Variants in RTRAF observed in about 807,000 individuals in gnomAD.
The protein encoded by RTRAF is tRNA-splicing ligase complex subunit RTRAF.
Under a neutral mutation model 34.4 loss-of-function variants are expected in RTRAF, and 14 were observed. That is an observed-to-expected ratio of 0.41 (90% CI 0.27 to 0.64). RTRAF has a LOEUF of 0.64. RTRAF is among the 30% of genes least tolerant of loss of function. The pLI, the probability that RTRAF is intolerant of heterozygous loss-of-function variation, is 0.34. For synonymous variants in RTRAF, 96 were observed against 95.3 expected (o/e 1.01, Z -0.04); for missense variants, 291 against 288.4 (o/e 1.01, Z -0.06).
chr14:51,990,574 G>A (rs1333245092), intron 1 of RTRAF, among the ~76,000 whole-genome samples: 1 of 152,160 alleles, frequency 6.6e-6, no homozygotes, highest in East Asian at 1.9e-4. Context: ...GCCTGTAGAA[G>A]CATATCAAAT....
intron 1 of RTRAF, among the ~76,000 whole-genome samples, chr14:51,990,259 C>CA (rs1340320785): frequency 6.6e-6 from 1 of 152,008 alleles, no homozygotes; most frequent in African/African-American, 2.4e-5. Context: ...TGTGGTGTTG[C>CA]AAAAAAGTTA....
chr14:52,004,048 A>AAAT, intron 6 of RTRAF, 146 bp from the exon 7 acceptor site: 1 of 716,146 alleles, frequency 1.4e-6, no homozygotes, highest in East Asian at 2.5e-5. Flanking sequence ...ATCACAAAGC[A>AAAT]AATATAAACA....
chr14:51,991,268 G>A, intron 1 of RTRAF, 49 bp from the exon 2 acceptor site: 1 of 1,559,092 alleles, frequency 6.4e-7, no homozygotes, highest in East Asian at 2.3e-5. Flanking sequence ...TGAGAAGGAG[G>A]TATTTTATGT....
intron 3 of RTRAF, among the ~76,000 whole-genome samples, chr14:51,996,514 A>C (rs1241462089): frequency 6.6e-6 from 1 of 152,120 alleles, no homozygotes; most frequent in Admixed American, 6.5e-5. Flanking sequence ...ATAATTTCAG[A>C]TGTATAGAAA....
Position 51,991,407 on chromosome 14 carries a change from T to A in RTRAF, c.152T>A (p.Ile51Asn). ...GAAGACAGAGGGAATTTAAGAAACA[T>A]CCACAGCAGCGACTGGCCCAAGTTC... is the stretch of plus-strand genomic sequence containing the variant. ...KIEDRGNLRN[I>N]HSSDWPKFFE... The change falls in exon 2 of 8, where the codon ATC (isoleucine) becomes AAC (asparagine). Residue 51 changes from isoleucine to asparagine, a missense_variant. Coordinates refer to ENST00000261700, the MANE Select transcript of RTRAF (RefSeq NM_016039.3). The A allele has an allele frequency of 6.2e-7, 1 of 1,613,508 alleles. No individual in the cohort carries two copies. Among genetic ancestry groups the A allele is most frequent in the Non-Finnish European group, 8.5e-7 (1 of 1,179,618 alleles).
chr14:51,991,223 A>G (rs1890429218), intron 1 of RTRAF, 94 bp from the exon 2 acceptor site: 1 of 1,333,514 alleles, frequency 7.5e-7, no homozygotes, highest in African/African-American at 1.5e-5. Flanking sequence ...TGAAGTTAAG[A>G]AAATTCCACA....
At position 52,005,582 on chromosome 14, in the gene RTRAF, A is replaced by G. The variant is rs953216844; in HGVS notation, c.*1066A>G. The G allele has an allele frequency of 1.5e-5, 22 of 1,510,556 alleles. No homozygotes were observed. In the African/African-American group the frequency reaches 1.7e-4, roughly 11 times the overall value. 93.6% of individuals were successfully genotyped at this position (1,510,556 alleles called of 1,614,324 possible). ...AACAGCAAGTCTTTGCATTTTGTGT[A>G]TAAACTAGGTAGATTTAAGGTAGTA... is the stretch of plus-strand genomic sequence containing the variant. On this transcript the variant is annotated 3_prime_UTR_variant, in exon 8 of 8. Coordinates refer to ENST00000261700, the MANE Select transcript of RTRAF (RefSeq NM_016039.3).
chr14:52,001,072 CTATT>C (rs1448891955), intron 5 of RTRAF, among the ~76,000 whole-genome samples: 9 of 152,180 alleles, frequency 5.9e-5, no homozygotes, highest in African/African-American at 1.9e-4. Flanking sequence ...GGCAACCAGA[CTATT>C]TAATAACATC....
chr14:51,999,638 G>A, intron 4 of RTRAF, 70 bp from the exon 5 acceptor site: 1 of 1,099,544 alleles, frequency 9.1e-7, no homozygotes. Context: ...GTTTTTGTAT[G>A]TTCACAAATA....
At chr14:52,000,014 C>T in intron 5 of RTRAF, 1 of 445,412 alleles carries the variant, frequency 2.2e-6, no homozygotes, top group Non-Finnish European at 4.0e-6. Flanking sequence ...TCATTCAATC[C>T]TGCCAACAAT....
chr14:52,005,184 TGA>T lies in RTRAF; in HGVS notation c.*669_*670del, dbSNP rs1890713137. 1.1e-5 allele frequency: 3 copies of T among 265,676 alleles called. No homozygotes were observed. The highest frequency in any genetic ancestry group is 2.1e-5 in the Non-Finnish European group (3 of 141,622). The allele number at this position is 265,676 out of a possible 1,614,324, so 16.5% of individuals were successfully genotyped here. ...TCTTAAACTCTAATTCTTAGTTGAA[TGA>T]ATTTGATCTTTTAAATATTAATGAT... On this transcript the variant is annotated 3_prime_UTR_variant, in exon 8 of 8. Transcript: ENST00000261700.
intron 6 of RTRAF, 46 bp downstream of exon 6, chr14:52,001,912 C>T: frequency 1.4e-6 from 2 of 1,477,654 alleles, no homozygotes; most frequent in Non-Finnish European, 1.9e-6. Flanking sequence ...AACATTTCTT[C>T]TGGTATGGCC....
rs897032455 is a variant in RTRAF, at chr14:52,006,854, C to G, written c.*2338C>G. 8.7e-6 allele frequency: 4 copies of G among 458,004 alleles called. No individual in the cohort carries two copies. Among genetic ancestry groups the G allele is most frequent in the Admixed American group, 8.1e-5 (2 of 24,744 alleles). 28.4% of individuals were successfully genotyped at this position (458,004 alleles called of 1,614,324 possible). ...TTTAGTAGAGATTCAAACTTTCAAT[C>G]CTTTTTTGGAAGACAGGATTGCATT... On this transcript the variant is annotated 3_prime_UTR_variant, in exon 8 of 8. Coordinates refer to ENST00000261700, the MANE Select transcript of RTRAF (RefSeq NM_016039.3).
At chr14:51,993,995 G>A (rs1370689737) in intron 3 of RTRAF, among the ~76,000 whole-genome samples, 173 bp downstream of exon 3, 1 of 152,176 alleles carries the variant, frequency 6.6e-6, no homozygotes, top group Non-Finnish European at 1.5e-5. Context: ...ATATATTTCT[G>A]TTAGAATTTG....
rs188778050 is a variant in RTRAF at position 52,005,043 on chromosome 14, A to T, written c.*527A>T. ...AACTATAAATAATTGGTCCTTTCCCATCAGTTCTGCATTGGCTTCTCCAAC... is the reference window on the plus strand; with the variant it reads ...AACTATAAATAATTGGTCCTTTCCCTTCAGTTCTGCATTGGCTTCTCCAAC... On this transcript the variant is annotated 3_prime_UTR_variant, in exon 8 of 8. Coordinates refer to ENST00000261700, the MANE Select transcript of RTRAF (RefSeq NM_016039.3). 1 of 159,236 alleles carries T rather than the reference A, an allele frequency of 6.3e-6. No homozygotes were observed. Among genetic ancestry groups the T allele is most frequent in the African/African-American group, 2.4e-5 (1 of 41,774 alleles). 9.9% of individuals were successfully genotyped at this position (159,236 alleles called of 1,614,324 possible).
intron 3 of RTRAF, among the ~76,000 whole-genome samples, chr14:51,996,948 C>T (rs565332797): frequency 1.3e-5 from 2 of 152,026 alleles, no homozygotes; most frequent in South Asian, 4.1e-4. Context: ...GAGTGTCCCT[C>T]AATTTGGATT....
chr14:52,005,562 C>T lies in RTRAF; in HGVS notation c.*1046C>T, dbSNP rs1890740774. ...GTATATTGTAACCAAGTTGCAACAG[C>T]AAGTCTTTGCATTTTGTGTATAAAC... On this transcript the variant is annotated 3_prime_UTR_variant, in exon 8 of 8. Coordinates refer to ENST00000261700, the MANE Select transcript of RTRAF (RefSeq NM_016039.3). 1 of 1,547,760 alleles carries T rather than the reference C, an allele frequency of 6.5e-7. No homozygotes were observed. Among genetic ancestry groups the T allele is most frequent in the African/African-American group, 1.4e-5 (1 of 72,980 alleles).
At chr14:51,998,705 A>G (rs1463703030) in intron 4 of RTRAF, 125 bp downstream of exon 4, 2 of 508,720 alleles carry the variant, frequency 3.9e-6, no homozygotes, top group Admixed American at 7.6e-5. Context: ...TGCAGACAGC[A>G]TTTATGTTAA....
intron 3 of RTRAF, 97 bp from the exon 4 acceptor site, chr14:51,998,397 C>A: frequency 4.8e-6 from 3 of 623,740 alleles, no homozygotes; most frequent in Non-Finnish European, 5.3e-6. Flanking sequence ...GAAACTCAAC[C>A]TGTAATCATT....
Sources: allele counts gnomAD v4.1 joint callset (sites outside exome capture counted in the v4.1 genomes callset), GRCh38; gene constraint gnomAD v4.1.1; transcripts MANE v1.5; gene names NCBI Gene and HGNC (gene_info 2026-07-23, HGNC 2026-07-21).